Variants in TRMT1 observed in about 807,000 individuals in gnomAD.
TRMT1 encodes tRNA (guanine(26)-N(2))-dimethyltransferase.
Under a neutral mutation model 75.4 loss-of-function variants are expected in TRMT1, and 63 were observed. That is an observed-to-expected ratio of 0.84 (90% CI 0.68 to 1.03). The LOEUF is 1.03. TRMT1 is among the 50% of genes least tolerant of loss of function. TRMT1 has a pLI of 0.00. For synonymous variants in TRMT1, 382 were observed against 358.1 expected (o/e 1.07, Z -0.75); for missense variants, 870 against 905.3 (o/e 0.96, Z 0.50).
At position 13,116,677 on chromosome 19, in the gene TRMT1, GAATT is replaced by G. The variant is rs1474300128; in HGVS notation, c.-61_-58del. 8.4e-6 allele frequency: 4 copies of G among 477,450 alleles called. No homozygotes were observed. The highest frequency in any genetic ancestry group is 1.5e-5 in the Non-Finnish European group (4 of 268,104). 29.6% of individuals were successfully genotyped at this position (477,450 alleles called of 1,614,324 possible). A position where few individuals can be genotyped will look rare whatever the true frequency, so the allele number is the denominator to read the frequency against. On this transcript the variant is annotated 5_prime_UTR_variant, in exon 1 of 17. Coordinates refer to ENST00000357720, the MANE Select transcript of TRMT1 (RefSeq NM_001136035.4). ...CCTGCTCTCGTAGCCACAGAAAACC[GAATT>G]AGTCAAGGTGCACGTTTCCCGAATT...
chr19:13,104,945 C>T lies in TRMT1; in HGVS notation c.1970G>A (p.Gly657Asp), dbSNP rs1599915088. 6.2e-7 allele frequency: 1 copy of T among 1,613,938 alleles called. No individual in the cohort carries two copies. The highest frequency in any genetic ancestry group is 2.2e-5 in the East Asian group (1 of 44,888). Reference protein sequence around the residue: ...PPGPGAAAGPGID With the variant: ...PPGPGAAAGPDID ...CATCTCTTTATTGGTTCAGTCTATGCCTGGCCCAGCGGCAGCCCCAGGTCC... is the reference window on the plus strand; with the variant it reads ...CATCTCTTTATTGGTTCAGTCTATGTCTGGCCCAGCGGCAGCCCCAGGTCC... The change falls in exon 17 of 17, where the codon GGC (glycine) becomes GAC (aspartate). Residue 657 changes from glycine to aspartate, a missense_variant. Transcript: ENST00000357720.
rs2019319071 is a variant in TRMT1 at position 13,115,726 on chromosome 19, T to C, written c.353A>G (p.Asp118Gly). ...CTTTTCCTCCTCTTGCTCTGACAAG[T>C]CCACGACCACTTTTTGCGTGTCCTT... Reference protein sequence around the residue: ...GEKDTQKVVVDLSEQEEEKVE... With the variant: ...GEKDTQKVVVGLSEQEEEKVE... Residue 118 changes from aspartate (D) to glycine (G), a missense_variant, in exon 4 of 17, where the codon GAC (aspartate) becomes GGC (glycine). Transcript: ENST00000357720. 3 of 1,613,954 alleles carry C rather than the reference T, an allele frequency of 1.9e-6. No homozygotes were observed. The highest frequency in any genetic ancestry group is 2.5e-6 in the Non-Finnish European group (3 of 1,180,028).
Position 13,116,121 on chromosome 19 carries a change from A to C in TRMT1, c.254+25T>G. The C allele has an allele frequency of 4.3e-6, 7 of 1,613,936 alleles. No homozygotes were observed. In the South Asian group the frequency reaches 7.7e-5, roughly 18 times the overall value. On this transcript the variant is annotated intron_variant, in intron 2 of 16. Coordinates refer to ENST00000357720, the MANE Select transcript of TRMT1 (RefSeq NM_001136035.4). Reference sequence around the variant, plus strand: ...CCACACTGACCCACTAGCCGATGCCAGGCTAACGTCTGACCCCTGCTCACG... The same window carrying C: ...CCACACTGACCCACTAGCCGATGCCCGGCTAACGTCTGACCCCTGCTCACG...
rs756665455 is a variant in TRMT1 at position 13,112,743 on chromosome 19, CG to C, written c.831del (p.Tyr277Ter). The C allele has an allele frequency of 6.2e-7, 1 of 1,613,616 alleles. No homozygotes were observed. The highest frequency in any genetic ancestry group is 8.5e-7 in the Non-Finnish European group (1 of 1,180,020). On this transcript the variant is annotated frameshift_variant, in exon 7 of 17. Transcript: ENST00000357720. LOFTEE classifies it high-confidence loss of function. ...GCCCGGCTCTTGAGGGCCATGGCCCCGTACTTGCTGTAGCACGTCTCCCCGC... is the reference window on the plus strand; with the variant it reads ...GCCCGGCTCTTGAGGGCCATGGCCCCTACTTGCTGTAGCACGTCTCCCCGC... Reference protein sequence around the residue: ...GNSGETCYSKYGAMALKSRAC... With the variant: ...GNSGETCYSKXGAMALKSRAC...
chr19:13,115,131 A>T (rs1192147993), intron 5 of TRMT1, 148 bp downstream of exon 5: 1 of 834,446 alleles, frequency 1.2e-6, no homozygotes, highest in Non-Finnish European at 1.8e-6. Flanking sequence ...CCCCTGTAAA[A>T]CTAATTTTCT....
chr19:13,109,897 T>C lies in TRMT1; in HGVS notation c.1106+18A>G. 6.2e-7 allele frequency: 1 copy of C among 1,614,016 alleles called. No individual in the cohort carries two copies. The highest frequency in any genetic ancestry group is 8.5e-7 in the Non-Finnish European group (1 of 1,179,974). ...GAAAACCCTGGGACTCCCCTTCTTC[T>C]CCTTCCTCCCTGCTCACCGGCCGCT... On this transcript the variant is annotated intron_variant, in intron 9 of 16. Transcript: ENST00000357720.
intron 4 of TRMT1, 78 bp from the exon 5 acceptor site, chr19:13,115,544 ACCT>A (rs903395639): frequency 4.4e-6 from 7 of 1,595,220 alleles, no homozygotes; most frequent in Middle Eastern, 2.1e-4. Flanking sequence ...CCCACCACCC[ACCT>A]CCTATAGCTC....
intron 7 of TRMT1, among the ~76,000 whole-genome samples, chr19:13,110,536 T>C (rs1401239704): frequency 1.3e-5 from 2 of 152,234 alleles, no homozygotes; most frequent in East Asian, 3.8e-4. Context: ...CTGGGGGCAC[T>C]AAACGAGTGA....
In TRMT1 at chr19:13,109,692, C is replaced by T. The variant is rs77560275; in HGVS notation, c.1177-8G>A. 6.2e-4 allele frequency: 996 copies of T among 1,613,824 alleles called. 5 individuals are homozygous for T. The African/African-American group carries it at 0.012, about 19-fold the overall frequency. On this transcript the variant is annotated splice_polypyrimidine_tract_variant and splice_region_variant and intron_variant, in intron 10 of 16. Transcript: ENST00000357720. ...CCACATGGGGCCACCAAGCTGGGGG[C>T]GCACCGGGGACAGGTGAGCAGGGAC...
rs1335272783 is a variant in TRMT1 at position 13,107,640 on chromosome 19, C to T, written c.1517G>A (p.Cys506Tyr). Residue 506 changes from cysteine to tyrosine, a missense_variant, in exon 14 of 17, where the codon TGT (cysteine) becomes TAT (tyrosine). Cys to Tyr is a radical substitution (Grantham distance 194). Coordinates refer to ENST00000357720, the MANE Select transcript of TRMT1 (RefSeq NM_001136035.4). ...TGATAGTCGCTCCCGTTTCACCGGA[C>T]ATTCCTTCTCCTGGGGGCAGAGGTC... is the stretch of plus-strand genomic sequence containing the variant. The part of the protein sequence containing the change: ...WDIMRCWEKE[C>Y]PVKRERLSET... 1 of 1,606,930 alleles carries T rather than the reference C, an allele frequency of 6.2e-7. No homozygotes were observed. Among genetic ancestry groups the T allele is most frequent in the Non-Finnish European group, 8.5e-7 (1 of 1,176,002 alleles).
At chr19:13,113,802 G>T (rs1041299121) in intron 5 of TRMT1, among the ~76,000 whole-genome samples, 4 of 151,256 alleles carry the variant, frequency 2.6e-5, no homozygotes, top group Non-Finnish European at 5.9e-5. Flanking sequence ...TAGAGACGAG[G>T]TTTTACCATG....
intron 5 of TRMT1, among the ~76,000 whole-genome samples, chr19:13,113,535 AAAC>A (rs1329060849): frequency 5.9e-5 from 9 of 152,078 alleles, no homozygotes; most frequent in South Asian, 4.1e-4. Flanking sequence ...CACACATCTA[AAAC>A]AACAACAATA....
chr19:13,114,358 C>T (rs2019251706), intron 5 of TRMT1, among the ~76,000 whole-genome samples: 1 of 152,090 alleles, frequency 6.6e-6, no homozygotes, highest in Non-Finnish European at 1.5e-5. Context: ...CCTGTCTCTA[C>T]TAAAAATATA....
intron 5 of TRMT1, among the ~76,000 whole-genome samples, chr19:13,113,245 G>A (rs2019211980): frequency 1.3e-5 from 2 of 151,680 alleles, no homozygotes; most frequent in Middle Eastern, 6.9e-3. Context: ...TGCAACCTCC[G>A]CTTCCCCAGT....
At chr19:13,105,755 GT>G (rs745367457) in intron 14 of TRMT1, 149 bp from the exon 15 acceptor site, 1 of 897,376 alleles carries the variant, frequency 1.1e-6, no homozygotes, top group Non-Finnish European at 1.7e-6. Context: ...AACATTTTTG[GT>G]TTTTTTAAAG....
chr19:13,105,208 G>T (rs2018798586), intron 16 of TRMT1, 59 bp downstream of exon 16: 2 of 1,571,638 alleles, frequency 1.3e-6, no homozygotes, highest in Admixed American at 3.6e-5. Context: ...TTCTCTCCCT[G>T]TTGCCCAAAG....
At chr19:13,115,205 G>A (rs191367608) in intron 5 of TRMT1, 74 bp downstream of exon 5, 70 of 1,475,854 alleles carry the variant, frequency 4.7e-5, no homozygotes, top group South Asian at 4.0e-4. Flanking sequence ...GTCACAGAGT[G>A]AGAATGTGAC....
chr19:13,112,667 C>T lies in TRMT1; in HGVS notation c.870+38G>A, dbSNP rs780996813. The T allele has an allele frequency of 1.3e-5, 20 of 1,587,794 alleles. No homozygotes were observed. In the East Asian group the frequency reaches 4.5e-4, roughly 35 times the overall value. ...GAAGGGACTCAGACAACCACCTGTC[C>T]CCCGGTCTCCCTGGCTGGCTGGCAG... is the stretch of plus-strand genomic sequence containing the variant. On this transcript the variant is annotated intron_variant, in intron 7 of 16. Transcript: ENST00000357720.
intron 7 of TRMT1, 137 bp from the exon 8 acceptor site, chr19:13,110,443 G>A: frequency 2.0e-6 from 2 of 1,025,130 alleles, no homozygotes; most frequent in Non-Finnish European, 1.4e-6. Flanking sequence ...CCTGGCTGTG[G>A]GACCCTCAAC....
Sources: gnomAD v4.1 joint callset for allele counts (sites outside exome capture counted in the v4.1 genomes callset) on GRCh38, gnomAD v4.1.1 for gene constraint, MANE v1.5 for transcripts, NCBI Gene and HGNC (gene_info 2026-07-23, HGNC 2026-07-21) for gene names.